Variants in ITGA1 observed in about 807,000 individuals in gnomAD.
ITGA1 encodes integrin subunit alpha 1.
A neutral mutation model predicts 145.9 loss-of-function variants in ITGA1; 85 were observed. The ratio of observed to expected loss-of-function variants is 0.58; its 90% CI spans 0.49 to 0.70. The LOEUF (loss-of-function observed/expected upper bound fraction) is 0.70. ITGA1 is among the 30% of genes least tolerant of loss of function. The pLI, the probability that ITGA1 is intolerant of heterozygous loss-of-function variation, is 0.00. For synonymous variants in ITGA1, 520 were observed against 495.3 expected (o/e 1.05, Z -0.66); for missense variants, 1,351 against 1,418.7 (o/e 0.95, Z 0.77).
chr5:52,816,752 TC>T (rs1748781885), intron 1 of ITGA1, among the ~76,000 whole-genome samples: 1 of 152,210 alleles, frequency 6.6e-6, no homozygotes, highest in Non-Finnish European at 1.5e-5. Context: ...TATAACCTTC[TC>T]AGGAAGATAG....
In ITGA1 at chr5:52,788,386, C is replaced by T. The variant is rs1189773388; in HGVS notation, c.33C>T (p.Val11=). The part of the protein sequence containing the change: MAPRPRARPG[V]AVACCWLLTV... Reference sequence around the variant, plus strand: ...CTCGGCCCCGCGCCCGCCCAGGGGTCGCTGTCGCCTGCTGCTGGCTCCTCA... The same window carrying T: ...CTCGGCCCCGCGCCCGCCCAGGGGTTGCTGTCGCCTGCTGCTGGCTCCTCA... Residue 11 remains valine (V), a synonymous_variant, in exon 1 of 29, where the codon GTC becomes GTT. Coordinates refer to ENST00000282588, the MANE Select transcript of ITGA1 (RefSeq NM_181501.2). 4 of 1,512,224 alleles carry T rather than the reference C, an allele frequency of 2.6e-6. No individual in the cohort carries two copies. In the African/African-American group the frequency reaches 4.3e-5, roughly 16 times the overall value. 93.7% of individuals were successfully genotyped at this position (1,512,224 alleles called of 1,614,324 possible). A position where few individuals can be genotyped will look rare whatever the true frequency, so the allele number is the denominator to read the frequency against.
Position 52,788,487 on chromosome 5 carries a change from A to C in ITGA1, c.61+73A>C, listed in dbSNP as rs942313559. ...GCTTGGAGCGGGGAGGGAGGTCCTC[A>C]GAGCCATGGGCCAGATAGGAAGAGA... On this transcript the variant is annotated intron_variant, in intron 1 of 28. Transcript: ENST00000282588. 7.5e-5 allele frequency: 95 copies of C among 1,260,636 alleles called. 1 individual carries two copies. The highest frequency in any genetic ancestry group is 4.3e-4 in the East Asian group (14 of 32,232). 78.1% of individuals were successfully genotyped at this position (1,260,636 alleles called of 1,614,324 possible).
chr5:52,873,118 T>C (rs1370592847), intron 6 of ITGA1, among the ~76,000 whole-genome samples: 1 of 152,212 alleles, frequency 6.6e-6, no homozygotes, highest in African/African-American at 2.4e-5. Flanking sequence ...CACCTTCTCA[T>C]GTATAAAATC....
At chr5:52,854,548 T>C (rs1288825029) in intron 2 of ITGA1, among the ~76,000 whole-genome samples, 2 of 152,238 alleles carry the variant, frequency 1.3e-5, no homozygotes, top group East Asian at 3.9e-4. Context: ...TAAAAAGAAA[T>C]TGGCGAGCAG....
At position 52,910,339 on chromosome 5, in the gene ITGA1, G is replaced by A; in HGVS notation, c.1777G>A (p.Ala593Thr). Residue 593 changes from alanine to threonine, a missense_variant, in exon 14 of 29, where the codon GCT (alanine) becomes ACT (threonine). Coordinates refer to ENST00000282588, the MANE Select transcript of ITGA1 (RefSeq NM_181501.2). ...LDGFNDIVIGAPLEDDHGGAV... is the reference protein window; with the variant it reads ...LDGFNDIVIGTPLEDDHGGAV... ...TGGATTTAATGACATCGTGATAGGA[G>A]CTCCGCTGGAAGATGATCACGGGGG... 6 of 1,613,916 alleles carry A rather than the reference G, an allele frequency of 3.7e-6. No homozygotes were observed. The highest frequency in any genetic ancestry group is 5.1e-6 in the Non-Finnish European group (6 of 1,179,872).
chr5:52,878,614 T>C (rs146291838), intron 6 of ITGA1, among the ~76,000 whole-genome samples: 7 of 152,288 alleles, frequency 4.6e-5, no homozygotes, highest in African/African-American at 1.7e-4. Flanking sequence ...AGATAACCCT[T>C]TTTCCCAAGG....
intron 1 of ITGA1, chr5:52,802,675 A>G (rs369037479): frequency 1.3e-5 from 2 of 152,168 alleles, no homozygotes; most frequent in South Asian, 2.1e-4. Flanking sequence ...GCGCCAAAAC[A>G]TGCTATATTA....
chr5:52,843,352 A>C (rs1399725520), intron 1 of ITGA1, among the ~76,000 whole-genome samples: 2 of 152,182 alleles, frequency 1.3e-5, no homozygotes, highest in Non-Finnish European at 2.9e-5. Context: ...ATTTTAATAC[A>C]TTCCCTTGTC....
At chr5:52,935,874 C>CGTTTATTTTCT (rs144542479) in intron 23 of ITGA1, among the ~76,000 whole-genome samples, 48,589 of 147,422 alleles carry the variant, frequency 0.33, 8,562 homozygotes, top group South Asian at 0.43. Flanking sequence ...GTATAGGAAA[C>CGTTTATTTTCT]GTTTATTTTC....
intron 18 of ITGA1, among the ~76,000 whole-genome samples, chr5:52,923,881 CCTT>C (rs1395056138): frequency 1.3e-5 from 2 of 152,222 alleles, no homozygotes; most frequent in African/African-American, 4.8e-5. Context: ...CCATCTCTGT[CCTT>C]CTTCATGGAG....
chr5:52,880,925 G>C (rs1344949017), intron 6 of ITGA1, among the ~76,000 whole-genome samples: 1 of 152,178 alleles, frequency 6.6e-6, no homozygotes, highest in Non-Finnish European at 1.5e-5. Flanking sequence ...AGGAGAGATA[G>C]CCATTACTGG....
intron 1 of ITGA1, among the ~76,000 whole-genome samples, chr5:52,805,122 G>A (rs1748565401): frequency 6.6e-6 from 1 of 152,114 alleles, no homozygotes; most frequent in African/African-American, 2.4e-5. Context: ...AAACTTTATA[G>A]AGCAAGGACC....
intron 6 of ITGA1, among the ~76,000 whole-genome samples, chr5:52,868,139 T>C (rs544664611): frequency 1.2e-4 from 18 of 152,324 alleles, no homozygotes; most frequent in African/African-American, 4.3e-4. Context: ...TACCTAACTT[T>C]TTCCTTCCAA....
Position 52,939,877 on chromosome 5 carries a change from A to T in ITGA1, c.3218A>T (p.Asn1073Ile), listed in dbSNP as rs992375700. ...TGTAAATTTGCTACCATCACATGTA[A>T]TCTCACTTCTTCTGACATCAGCCAA... ...NTCKFATITC[N>I]LTSSDISQVN... The change falls in exon 26 of 29, where the codon AAT becomes ATT. Residue 1073 changes from asparagine (N) to isoleucine (I), a missense_variant. By Grantham distance (149) the Asn-to-Ile change is moderately radical (BLOSUM62 -3). Transcript: ENST00000282588. 6.2e-7 allele frequency: 1 copy of T among 1,613,670 alleles called. No homozygotes were observed.
At chr5:52,951,559 G>C (rs919081332) in intron 28 of ITGA1, among the ~76,000 whole-genome samples, 5 of 152,122 alleles carry the variant, frequency 3.3e-5, no homozygotes, top group Non-Finnish European at 1.5e-5. Context: ...AAATGATATA[G>C]TGTGTTTTCA....
At chr5:52,788,888 T>C (rs1748183079) in intron 1 of ITGA1, among the ~76,000 whole-genome samples, 1 of 152,076 alleles carries the variant, frequency 6.6e-6, no homozygotes, top group Non-Finnish European at 1.5e-5. Context: ...TTTTTTCCCA[T>C]GCAGAACAAG....
At chr5:52,802,040 G>A (rs1338561345) in intron 1 of ITGA1, 5 of 506,992 alleles carry the variant, frequency 9.9e-6, no homozygotes, top group African/African-American at 7.7e-5. Context: ...TAATCTCCAC[G>A]TACTACCATC....
intron 1 of ITGA1, among the ~76,000 whole-genome samples, chr5:52,841,389 C>T (rs1462779845): frequency 1.3e-5 from 2 of 152,128 alleles, no homozygotes; most frequent in Non-Finnish European, 2.9e-5. Flanking sequence ...TATTTTAATT[C>T]TCTTTGTTCC....
intron 1 of ITGA1, among the ~76,000 whole-genome samples, chr5:52,829,967 A>G (rs1420850804): frequency 6.6e-6 from 1 of 152,206 alleles, no homozygotes; most frequent in South Asian, 2.1e-4. Flanking sequence ...GTATTTTAAT[A>G]TGACATGTGG....
Sources: allele counts gnomAD v4.1 joint callset (sites outside exome capture counted in the v4.1 genomes callset), GRCh38; gene constraint gnomAD v4.1.1; transcripts MANE v1.5; gene names NCBI Gene and HGNC (gene_info 2026-07-23, HGNC 2026-07-21).